TTYH2: variants seen among roughly 807,000 people sequenced by gnomAD.
TTYH2 encodes the protein protein tweety homolog 2.
Under a neutral mutation model 68.3 loss-of-function variants are expected in TTYH2, and 49 were observed. The observed-to-expected ratio is 0.72, with a 90% confidence interval of 0.57 to 0.91. The LOEUF (loss-of-function observed/expected upper bound fraction) is 0.91. TTYH2 is among the 40% of genes least tolerant of loss of function. The pLI, the probability that TTYH2 is intolerant of heterozygous loss-of-function variation, is 0.00. For synonymous variants in TTYH2, 272 were observed against 300.8 expected, an observed-to-expected ratio of 0.90 and a Z score of 0.99; for missense variants, 631 against 700.4, an observed-to-expected ratio of 0.90 and a Z score of 1.12.
intron 4 of TTYH2, among the ~76,000 whole-genome samples, chr17:74,237,787 C>T (rs768673643): frequency 7.2e-5 from 11 of 152,018 alleles, no homozygotes; most frequent in African/African-American, 2.2e-4. Flanking sequence ...TGTGCCGCCA[C>T]GCCAGACTAA....
In TTYH2 at chr17:74,215,109, C is replaced by T. The variant is rs545194759; in HGVS notation, c.129+1393C>T. Among the ~76,000 whole-genome samples the T allele has an allele frequency of 1.3e-5, 2 of 152,000 alleles. No individual in the cohort carries two copies. The highest frequency in any genetic ancestry group is 4.2e-4 in the South Asian group (2 of 4,810). ...GAATGTGGCTGCCTGGGGATAGCTC[C>T]AGGGAATCTTCCTCTCCCAGAGAAT... On this transcript the variant is annotated intron_variant, in intron 1 of 13. Transcript: ENST00000269346. The surrounding 1 kb of genome is among the most constrained non-coding windows in gnomAD (Gnocchi z 4.3).
intron 13 of TTYH2, among the ~76,000 whole-genome samples, chr17:74,259,915 T>G (rs1185635690): frequency 6.6e-6 from 1 of 152,118 alleles, no homozygotes; most frequent in Non-Finnish European, 1.5e-5. Context: ...GGGTGTGTGC[T>G]GGGGCGGAGT....
At chr17:74,250,949 A>G (rs1330862654) in intron 10 of TTYH2, among the ~76,000 whole-genome samples, 1 of 152,166 alleles carries the variant, frequency 6.6e-6, no homozygotes, top group East Asian at 1.9e-4. Flanking sequence ...CAGTTCTCAC[A>G]GTTATACTGT....
rs1048306728 is a variant in TTYH2 at position 74,222,318 on chromosome 17, C to T, written c.130-167C>T. 6.6e-5 allele frequency among the ~76,000 whole-genome samples: 10 copies of T among 152,216 alleles called. No homozygotes were observed. Among genetic ancestry groups the T allele is most frequent in the African/African-American group, 2.2e-4 (9 of 41,460 alleles). ...CACTCCCACCCAAGTGCCTCAGCGC[C>T]GGGCCCTCTGTTTACAGAGTAGGAG... On this transcript the variant is annotated intron_variant, in intron 1 of 13. Transcript: ENST00000269346. This position sits in a 1 kb window ranked among gnomAD's most constrained non-coding sequence, Gnocchi z 5.2.
chr17:74,241,170 C>T lies in TTYH2; in HGVS notation c.636-2204C>T, dbSNP rs2050495835. ...GGGATCCAGCTCACACCTATGATCCCAGCACTTTGGGAGGCTGAGGCAGGA... is the reference window on the plus strand; with the variant it reads ...GGGATCCAGCTCACACCTATGATCCTAGCACTTTGGGAGGCTGAGGCAGGA... On this transcript the variant is annotated intron_variant, in intron 4 of 13. Transcript: ENST00000269346. This position sits in a 1 kb window ranked among gnomAD's most constrained non-coding sequence, Gnocchi z 4.1. 6.6e-6 allele frequency among the ~76,000 whole-genome samples: 1 copy of T among 152,054 alleles called. No individual in the cohort carries two copies. Among genetic ancestry groups the T allele is most frequent in the Non-Finnish European group, 1.5e-5 (1 of 68,024 alleles).
chr17:74,235,161 T>C (rs4789046), intron 3 of TTYH2, among the ~76,000 whole-genome samples: 73,707 of 152,098 alleles, frequency 0.48, 19,872 homozygotes, highest in African/African-American at 0.73. Flanking sequence ...TTTCTGGAAC[T>C]AGGAACTCCC....
chr17:74,238,382 G>T (rs1382387936), intron 4 of TTYH2, among the ~76,000 whole-genome samples: 1 of 152,148 alleles, frequency 6.6e-6, no homozygotes, highest in African/African-American at 2.4e-5. Context: ...GAATGAGGCT[G>T]TGTCCCCAGA....
At chr17:74,230,448 T>C (rs1567813303) in intron 2 of TTYH2, among the ~76,000 whole-genome samples, 1 of 152,066 alleles carries the variant, frequency 6.6e-6, no homozygotes, top group Non-Finnish European at 1.5e-5. Context: ...ACGCTGAGAA[T>C]GAACCCTAGT....
chr17:74,238,456 T>C (rs143394014), intron 4 of TTYH2, among the ~76,000 whole-genome samples: 1,906 of 152,050 alleles, frequency 0.013, 36 homozygotes, highest in African/African-American at 0.041. Context: ...TGGAGTGCAG[T>C]GGTGTGATCA....
chr17:74,236,881 G>A lies in TTYH2; in HGVS notation c.415-413G>A, dbSNP rs550489018. Among the ~76,000 whole-genome samples, 418 of 149,932 alleles carry A rather than the reference G, an allele frequency of 2.8e-3. 2 individuals are homozygous for A. Among genetic ancestry groups the A allele is most frequent in the African/African-American group, 9.7e-3 (390 of 40,320 alleles). On this transcript the variant is annotated intron_variant, in intron 3 of 13. Coordinates refer to ENST00000269346, the MANE Select transcript of TTYH2 (RefSeq NM_032646.6). ...GCATGGTGTGTTCATTCATGCCTAA[G>A]CAGGCCAGGCCAGCTTTTTTTTTTT...
At chr17:74,255,375 T>C (rs563218815) in intron 13 of TTYH2, among the ~76,000 whole-genome samples, 5 of 152,360 alleles carry the variant, frequency 3.3e-5, no homozygotes, top group East Asian at 3.9e-4. Context: ...CGTAGGACAG[T>C]GAGCTGTTAT....
intron 6 of TTYH2, 135 bp downstream of exon 6, chr17:74,244,184 C>T (rs1412538132): frequency 2.7e-5 from 22 of 829,986 alleles, no homozygotes; most frequent in South Asian, 2.4e-4. Context: ...AAGGGACTTG[C>T]GTCATCTGAA....
chr17:74,252,208 G>A, intron 10 of TTYH2, 26 bp from the exon 11 acceptor site: 12 of 1,610,424 alleles, frequency 7.5e-6, no homozygotes, highest in Non-Finnish European at 1.0e-5. Context: ...TCCTTCACTA[G>A]CTGCATGTCC....
intron 2 of TTYH2, among the ~76,000 whole-genome samples, chr17:74,230,257 AT>A (rs56348004): frequency 8.0e-5 from 12 of 149,508 alleles, no homozygotes; most frequent in South Asian, 2.1e-4. Context: ...TCATTTTTTC[AT>A]TTTTTTTTTT....
At position 74,252,376 on chromosome 17, in the gene TTYH2, G is replaced by A. The variant is rs773871164; in HGVS notation, c.1259G>A (p.Arg420Lys). 1 of 1,613,228 alleles carries A rather than the reference G, an allele frequency of 6.2e-7. No homozygotes were observed. The highest frequency in any genetic ancestry group is 1.7e-5 in the Admixed American group (1 of 60,008). The change falls in exon 11 of 14, where the codon AGA (arginine) becomes AAA (lysine). Residue 420 changes from arginine to lysine, a missense_variant and splice_region_variant. By Grantham distance (26) the Arg-to-Lys change is conservative. Coordinates refer to ENST00000269346, the MANE Select transcript of TTYH2 (RefSeq NM_032646.6). ...GPRAWKHFTT[R>K]NRDYDDIDDD... ...AGGGCCTGGAAGCACTTCACCACCA[G>A]GTGGGCTGCCTAGTAAGGAGGGGAG...
chr17:74,234,296 C>A (rs552233359), intron 3 of TTYH2, among the ~76,000 whole-genome samples: 31 of 152,320 alleles, frequency 2.0e-4, no homozygotes, highest in African/African-American at 7.2e-4. Flanking sequence ...ACCTGTAGCT[C>A]GTCCCTAAGT....
At chr17:74,223,481 C>A (rs187179585) in intron 2 of TTYH2, among the ~76,000 whole-genome samples, 3 of 152,078 alleles carry the variant, frequency 2.0e-5, no homozygotes, top group South Asian at 2.1e-4. Context: ...ATTGCTCCCC[C>A]CTCAGCTTCC....
At position 74,213,818 on chromosome 17, in the gene TTYH2, C is replaced by G; in HGVS notation, c.129+102C>G. On this transcript the variant is annotated intron_variant, in intron 1 of 13. Coordinates refer to ENST00000269346, the MANE Select transcript of TTYH2 (RefSeq NM_032646.6). This position sits in a 1 kb window ranked among gnomAD's most constrained non-coding sequence, Gnocchi z 6.1. The stretch of plus-strand genomic sequence containing the variant: ...GCACTTTCCCACGTGCCTCTCAGAC[C>G]CCTTCTCTCCCCGCGCAGCCCTTTC... The G allele has an allele frequency of 7.2e-7, 1 of 1,392,862 alleles. No homozygotes were observed. The highest frequency in any genetic ancestry group is 9.8e-7 in the Non-Finnish European group (1 of 1,023,218). The allele number at this position is 1,392,862 out of a possible 1,614,324, so 86.3% of individuals were successfully genotyped here.
At chr17:74,234,704 T>C (rs1372466174) in intron 3 of TTYH2, among the ~76,000 whole-genome samples, 1 of 148,526 alleles carries the variant, frequency 6.7e-6, no homozygotes, top group Non-Finnish European at 1.5e-5. Flanking sequence ...TGTGAGAGAG[T>C]AGAACTGTGA....
Sources: allele counts gnomAD v4.1 joint callset (sites outside exome capture counted in the v4.1 genomes callset), GRCh38; gene constraint gnomAD v4.1.1; non-coding constraint Gnocchi (gnomAD v3.1); transcripts MANE v1.5; gene names NCBI Gene and HGNC (gene_info 2026-07-23, HGNC 2026-07-21).